LCP1: variants seen among roughly 807,000 people sequenced by gnomAD.
The protein encoded by LCP1 is lymphocyte cytosolic protein 1.
Under a neutral mutation model 72.0 loss-of-function variants are expected in LCP1, and 23 were observed. The observed-to-expected ratio is 0.32, with a 90% CI of 0.23 to 0.45. LCP1 has a LOEUF of 0.45. Ranked by LOEUF, LCP1 falls within the 20% of genes least tolerant of loss-of-function variation. The probability of loss-of-function intolerance (pLI) is 1.00; values close to 1 mark genes in which losing one functional copy is unlikely to be tolerated. For synonymous variants in LCP1, 245 were observed against 275.4 expected (o/e 0.89, Z 1.09); for missense variants, 571 against 748.3 (o/e 0.76, Z 2.76).
At chr13:46,147,212 C>T in intron 9 of LCP1, 109 bp from the exon 10 acceptor site, 1 of 940,406 alleles carries the variant, frequency 1.1e-6, no homozygotes, top group Middle Eastern at 3.4e-4. Flanking sequence ...TAGTGTTTAT[C>T]TCAGGCAGAC....
intron 1 of LCP1, among the ~76,000 whole-genome samples, chr13:46,161,462 A>G (rs1367477901): frequency 4.6e-5 from 7 of 152,192 alleles, no homozygotes; most frequent in African/African-American, 1.7e-4. Context: ...GGTTAATTGT[A>G]TTAAAAATAC....
chr13:46,163,972 T>A (rs540495314), intron 1 of LCP1, among the ~76,000 whole-genome samples: 4 of 152,362 alleles, frequency 2.6e-5, no homozygotes, highest in Non-Finnish European at 4.4e-5. Context: ...TAGGTGTTTA[T>A]GGGATTATAA....
intron 1 of LCP1, chr13:46,169,320 G>A (rs966610062): frequency 2.6e-5 from 4 of 152,218 alleles, no homozygotes; most frequent in Non-Finnish European, 5.9e-5. Context: ...GTATGGCAAA[G>A]GCACTGTTCA....
chr13:46,154,540 C>T (rs892106010), intron 6 of LCP1, among the ~76,000 whole-genome samples: 60 of 152,188 alleles, frequency 3.9e-4, no homozygotes, highest in African/African-American at 1.4e-3. Flanking sequence ...CTAAGGAAAG[C>T]TTGAGTTAAA....
intron 13 of LCP1, among the ~76,000 whole-genome samples, chr13:46,137,540 C>CA (rs1162435938): frequency 8.0e-5 from 12 of 150,618 alleles, no homozygotes; most frequent in South Asian, 2.1e-4. Context: ...AACTCTGTCT[C>CA]AAAAAAAAAT....
intron 14 of LCP1, among the ~76,000 whole-genome samples, 180 bp downstream of exon 14, chr13:46,133,947 A>G (rs2045648595): frequency 6.6e-6 from 1 of 152,200 alleles, no homozygotes; most frequent in African/African-American, 2.4e-5. Flanking sequence ...GAAAGTATTG[A>G]GAAATTCATT....
intron 1 of LCP1, among the ~76,000 whole-genome samples, chr13:46,172,242 G>A (rs2045908072): frequency 6.6e-6 from 1 of 152,192 alleles, no homozygotes; most frequent in Non-Finnish European, 1.5e-5. Context: ...CCTGTACTTT[G>A]GGAGGCTGAG....
chr13:46,158,931 A>G lies in LCP1; in HGVS notation c.123T>C (p.Ala41=). The part of the protein sequence containing the change: ...FNELNDLFKA[A]CLPLPGYRVR... ...CTCTATACCCAGGCAAAGGCAAGCA[A>G]GCAGCCTTGAACAAGTCATTCAACT... Residue 41 remains alanine (A), a synonymous_variant, in exon 3 of 16, where the codon GCT becomes GCC. Coordinates refer to ENST00000323076, the MANE Select transcript of LCP1 (RefSeq NM_002298.5). 6.2e-7 allele frequency: 1 copy of G among 1,614,172 alleles called. No homozygotes were observed. The highest frequency in any genetic ancestry group is 8.5e-7 in the Non-Finnish European group (1 of 1,180,014).
chr13:46,171,954 G>C (rs562887331), intron 1 of LCP1, among the ~76,000 whole-genome samples: 31 of 152,378 alleles, frequency 2.0e-4, no homozygotes, highest in Admixed American at 1.4e-3. Flanking sequence ...CCAACTTTTC[G>C]TACATGTGGG....
chr13:46,167,427 A>G (rs73189836), intron 1 of LCP1, among the ~76,000 whole-genome samples: 29,004 of 152,028 alleles, frequency 0.19, 3,041 homozygotes, highest in East Asian at 0.32. Flanking sequence ...AAGTTGCCCA[A>G]TCCCATTAAG....
intron 1 of LCP1, among the ~76,000 whole-genome samples, chr13:46,162,510 C>T (rs376044657): frequency 6.6e-6 from 1 of 152,018 alleles, no homozygotes; most frequent in Admixed American, 6.5e-5. Flanking sequence ...CTGTGTTGGC[C>T]GGGCTGGTCT....
chr13:46,178,276 C>G (rs557905528), intron 1 of LCP1, among the ~76,000 whole-genome samples: 3 of 152,218 alleles, frequency 2.0e-5, no homozygotes, highest in Admixed American at 6.5e-5. Context: ...TTCCACTCCC[C>G]CCCATCCCCC....
At chr13:46,174,507 C>A (rs189410068) in intron 1 of LCP1, among the ~76,000 whole-genome samples, 1 of 152,038 alleles carries the variant, frequency 6.6e-6, no homozygotes, top group Non-Finnish European at 1.5e-5. Context: ...GTATACCAGC[C>A]GACCTAACAA....
intron 13 of LCP1, among the ~76,000 whole-genome samples, chr13:46,135,743 CTTT>C (rs71074757): frequency 1.9e-4 from 25 of 130,540 alleles, no homozygotes; most frequent in Non-Finnish European, 2.4e-4. Flanking sequence ...TCTGGTCTGT[CTTT>C]TTTTTTTTTT....
intron 1 of LCP1, among the ~76,000 whole-genome samples, chr13:46,171,862 G>T (rs910837333): frequency 6.6e-6 from 1 of 152,234 alleles, no homozygotes; most frequent in African/African-American, 2.4e-5. Context: ...AGCCCTCATT[G>T]TCCTCAGGGT....
intron 1 of LCP1, among the ~76,000 whole-genome samples, chr13:46,177,468 G>A (rs1305290297): frequency 2.0e-5 from 3 of 152,068 alleles, no homozygotes; most frequent in Admixed American, 6.6e-5. Flanking sequence ...GGTGAAACCC[G>A]TCTCTACTAA....
intron 10 of LCP1, 61 bp from the exon 11 acceptor site, chr13:46,144,581 A>G (rs1164457836): frequency 1.8e-6 from 2 of 1,111,554 alleles, no homozygotes; most frequent in Non-Finnish European, 2.8e-6. Flanking sequence ...TTTTATGACC[A>G]AAGTTTAACT....
chr13:46,157,027 A>G (rs927199003), intron 4 of LCP1, among the ~76,000 whole-genome samples: 1 of 151,682 alleles, frequency 6.6e-6, no homozygotes, highest in Non-Finnish European at 1.5e-5. Flanking sequence ...TCATCGTGTT[A>G]GCCAGGATGG....
chr13:46,180,794 G>A (rs548319621), intron 1 of LCP1, among the ~76,000 whole-genome samples: 19 of 152,102 alleles, frequency 1.2e-4, no homozygotes, highest in East Asian at 9.6e-4. Context: ...CTTCACATTC[G>A]AATTTATTTT....
Sources: allele counts gnomAD v4.1 joint callset (sites outside exome capture counted in the v4.1 genomes callset), GRCh38; gene constraint gnomAD v4.1.1; transcripts MANE v1.5; gene names NCBI Gene and HGNC (gene_info 2026-07-23, HGNC 2026-07-21).